DPP10: variants seen among roughly 807,000 people sequenced by gnomAD.
The protein encoded by DPP10 is dipeptidyl peptidase like 10.
A neutral mutation model predicts 120.9 loss-of-function variants in DPP10; 33 were observed. That is an observed-to-expected ratio of 0.27 (90% confidence interval 0.21 to 0.37). The LOEUF (loss-of-function observed/expected upper bound fraction) is 0.37. DPP10 is among the 10% of genes least tolerant of loss of function. The probability of loss-of-function intolerance (pLI) is 1.00; values close to 1 mark genes in which losing one functional copy is unlikely to be tolerated. For synonymous variants in DPP10, 337 were observed against 326.1 expected (o/e 1.03, Z -0.36); for missense variants, 816 against 942.8 (o/e 0.87, Z 1.76).
intron 3 of DPP10, among the ~76,000 whole-genome samples, chr2:115,371,332 C>CGG (rs1289895004): frequency 6.6e-6 from 1 of 152,148 alleles, no homozygotes; most frequent in East Asian, 1.9e-4. Context: ...GAAGGAGTCT[C>CGG]TTACAAAATG....
At chr2:115,230,594 TTTTA>T (rs1405980225) in intron 1 of DPP10, among the ~76,000 whole-genome samples, 1 of 152,030 alleles carries the variant, frequency 6.6e-6, no homozygotes, top group Non-Finnish European at 1.5e-5. Flanking sequence ...TTGAAGAGCT[TTTTA>T]TTTATTAAAT....
chr2:115,345,712 T>G (rs895212258), intron 3 of DPP10, among the ~76,000 whole-genome samples: 2 of 152,154 alleles, frequency 1.3e-5, no homozygotes, highest in Non-Finnish European at 2.9e-5. Flanking sequence ...CTCTGTGATA[T>G]TGAAGCTCCG....
intron 1 of DPP10, among the ~76,000 whole-genome samples, chr2:114,768,107 G>A (rs1042835198): frequency 2.3e-5 from 3 of 130,106 alleles, no homozygotes; most frequent in African/African-American, 2.9e-5. Context: ...CAGGTCGGAC[G>A]ACAGAACAAG....
rs559806376 is a variant in DPP10, at chr2:115,063,352, A to G, written c.61-245887A>G. Among the ~76,000 whole-genome samples the G allele has an allele frequency of 2.6e-5, 4 of 152,296 alleles. No homozygotes were observed. In the South Asian group the frequency reaches 8.3e-4, roughly 32 times the overall value. ...TTCTGTAGGTTGTCTGTTCAGACTG[A>G]TGATAGTTTCTTTTGCTGTGCAGAA... On this transcript the variant is annotated intron_variant, in intron 1 of 25. Transcript: ENST00000410059.
At chr2:114,482,507 G>A (rs986669282) in intron 1 of DPP10, among the ~76,000 whole-genome samples, 5 of 152,048 alleles carry the variant, frequency 3.3e-5, no homozygotes, top group African/African-American at 7.2e-5. Context: ...ATTACTTTCC[G>A]TAAGCAAAAG....
chr2:114,588,626 G>A (rs958266509), intron 1 of DPP10, among the ~76,000 whole-genome samples: 1 of 152,062 alleles, frequency 6.6e-6, no homozygotes, highest in African/African-American at 2.4e-5. Flanking sequence ...CCATAAATAT[G>A]TACAATGTCA....
At chr2:115,815,042 T>C (rs1687077185) in intron 20 of DPP10, 55 bp downstream of exon 20, 1 of 1,500,120 alleles carries the variant, frequency 6.7e-7, no homozygotes, top group Non-Finnish European at 9.1e-7. Context: ...AGTCTTGGTA[T>C]ATGACATATA....
intron 1 of DPP10, among the ~76,000 whole-genome samples, chr2:114,660,086 A>C (rs932291449): frequency 6.6e-6 from 1 of 152,188 alleles, no homozygotes; most frequent in Non-Finnish European, 1.5e-5. Flanking sequence ...CAGCACAAAG[A>C]AAGATGGTAC....
At position 115,011,785 on chromosome 2, in the gene DPP10, C is replaced by CA. The variant is rs1211840660; in HGVS notation, c.61-297453dup. Reference sequence around the variant, plus strand: ...ACCAGGAAAGCTAAGAGAATCCACACACCCTTTGAAAGAATTGGATCATTG... The same window carrying CA: ...ACCAGGAAAGCTAAGAGAATCCACACAACCCTTTGAAAGAATTGGATCATTG... On this transcript the variant is annotated intron_variant, in intron 1 of 25. Coordinates refer to ENST00000410059, the MANE Select transcript of DPP10 (RefSeq NM_020868.6). Among the ~76,000 whole-genome samples, 6 of 152,246 alleles carry CA rather than the reference C, an allele frequency of 3.9e-5. No homozygotes were observed. The South Asian group carries it at 1.0e-3, about 26-fold the overall frequency.
chr2:115,053,417 A>T (rs1705662594), intron 1 of DPP10, among the ~76,000 whole-genome samples: 1 of 152,230 alleles, frequency 6.6e-6, no homozygotes, highest in Non-Finnish European at 1.5e-5. Flanking sequence ...GAATAAATAG[A>T]CAAATTCATG....
intron 1 of DPP10, among the ~76,000 whole-genome samples, chr2:114,795,598 T>C (rs1201460754): frequency 6.6e-6 from 1 of 152,144 alleles, no homozygotes; most frequent in African/African-American, 2.4e-5. Flanking sequence ...CAGTTGACCC[T>C]TGAACAACAG....
chr2:114,823,362 C>A (rs114585887), intron 1 of DPP10, among the ~76,000 whole-genome samples: 2 of 152,204 alleles, frequency 1.3e-5, no homozygotes, highest in Non-Finnish European at 1.5e-5. Flanking sequence ...AATCACCCCC[C>A]ACGAAGTCCC....
chr2:114,499,573 CT>C (rs111641069), intron 1 of DPP10, among the ~76,000 whole-genome samples: 274 of 145,728 alleles, frequency 1.9e-3, no homozygotes, highest in Middle Eastern at 0.011. Context: ...TTTGCAAAGG[CT>C]TTTTTTTTTT....
At chr2:114,982,166 T>A (rs1700128368) in intron 1 of DPP10, among the ~76,000 whole-genome samples, 2 of 152,044 alleles carry the variant, frequency 1.3e-5, no homozygotes, top group African/African-American at 4.8e-5. Context: ...AAATAAAAAA[T>A]AAAAAAACAC....
Position 115,309,248 on chromosome 2 carries a change from A to C in DPP10, c.70A>C (p.Ser24Arg). ...TTTTCTATCTCGGTAGGAACTGGGA[A>C]GTAACAGCCCTCCACAGAGAAACTG... The part of the protein sequence containing the change: ...QPSKTIKELG[S>R]NSPPQRNWKG... Residue 24 changes from serine to arginine, a missense_variant, in exon 2 of 26, where the codon AGT becomes CGT. Around this residue, in one of 3 missense-constraint regions of DPP10, gnomAD observed 182 missense variants for 207.4 expected, o/e 0.88. Coordinates refer to ENST00000410059, the MANE Select transcript of DPP10 (RefSeq NM_020868.6). The C allele has an allele frequency of 3.1e-6, 5 of 1,613,142 alleles. No individual in the cohort carries two copies. The highest frequency in any genetic ancestry group is 3.4e-6 in the Non-Finnish European group (4 of 1,179,412).
chr2:115,372,612 C>T (rs1002219215), intron 3 of DPP10, among the ~76,000 whole-genome samples: 3 of 152,172 alleles, frequency 2.0e-5, no homozygotes, highest in Non-Finnish European at 4.4e-5. Context: ...GGCACCCTTA[C>T]TTGCGGTAAC....
intron 3 of DPP10, among the ~76,000 whole-genome samples, chr2:115,377,895 C>G (rs2065941815): frequency 6.6e-6 from 1 of 152,078 alleles, no homozygotes; most frequent in Admixed American, 6.5e-5. Context: ...GGGCTCTGTT[C>G]TGTTCCATTG....
At chr2:115,781,089 C>A in intron 16 of DPP10, 94 bp downstream of exon 16, 2 of 1,041,682 alleles carry the variant, frequency 1.9e-6, no homozygotes, top group Non-Finnish European at 2.6e-6. Flanking sequence ...TAGATGATTT[C>A]ATAATCTTAA....
At chr2:114,652,664 C>T (rs548308058) in intron 1 of DPP10, among the ~76,000 whole-genome samples, 32 of 152,132 alleles carry the variant, frequency 2.1e-4, no homozygotes, top group Non-Finnish European at 3.1e-4. Context: ...TGGTGCTTGT[C>T]GAATTTTATG....
Sources: allele counts gnomAD v4.1 joint callset (sites outside exome capture counted in the v4.1 genomes callset), GRCh38; gene constraint gnomAD v4.1.1; regional missense constraint gnomAD v4.1.1; transcripts MANE v1.5; gene names NCBI Gene and HGNC (gene_info 2026-07-23, HGNC 2026-07-21).